The following TRAK1 variants were observed in gnomAD, a reference collection of about 807,000 sequenced individuals.
TRAK1 encodes the protein trafficking kinesin-binding protein 1.
Under a neutral mutation model 92.1 loss-of-function variants are expected in TRAK1, and 33 were observed. That is an observed-to-expected ratio of 0.36 (90% CI 0.27 to 0.48). TRAK1 has a LOEUF of 0.48. TRAK1 is among the 20% of genes least tolerant of loss of function. The pLI is 0.99. For missense variants in TRAK1, 1,123 were observed against 1,257.9 expected, an observed-to-expected ratio of 0.89 and a Z score of 1.62; for synonymous variants, 521 against 517.3, an observed-to-expected ratio of 1.01 and a Z score of -0.10.
At chr3:42,149,387 A>C (rs771459074) in intron 2 of TRAK1, 212 of 1,446,894 alleles carry the variant, frequency 1.5e-4, no homozygotes, top group Non-Finnish European at 1.8e-4. Flanking sequence ...TTGGCTCCAG[A>C]CTGTCGTTAA....
At chr3:42,056,848 T>C (rs1703224076) in intron 1 of TRAK1, among the ~76,000 whole-genome samples, 1 of 152,238 alleles carries the variant, frequency 6.6e-6, no homozygotes, top group Admixed American at 6.5e-5. Context: ...TTCTACATCC[T>C]TCTTAATACC....
At chr3:42,052,788 AT>A (rs1703034480) in intron 1 of TRAK1, among the ~76,000 whole-genome samples, 1 of 152,076 alleles carries the variant, frequency 6.6e-6, no homozygotes, top group African/African-American at 2.4e-5. Flanking sequence ...CCCCTCCCCC[AT>A]TATGAAAGAG....
chr3:42,033,593 A>G (rs1333045551), intron 1 of TRAK1, among the ~76,000 whole-genome samples: 1 of 152,008 alleles, frequency 6.6e-6, no homozygotes, highest in Non-Finnish European at 1.5e-5. Context: ...GTCTCAATCA[A>G]TCAATCAATC....
At chr3:42,053,768 C>T (rs1261087882) in intron 1 of TRAK1, among the ~76,000 whole-genome samples, 1 of 152,094 alleles carries the variant, frequency 6.6e-6, no homozygotes, top group African/African-American at 2.4e-5. Context: ...CCCTCCCTCA[C>T]CAAGGGAAAA....
At chr3:42,111,726 G>A (rs886900201) in intron 1 of TRAK1, among the ~76,000 whole-genome samples, 3 of 152,036 alleles carry the variant, frequency 2.0e-5, no homozygotes, top group African/African-American at 4.8e-5. Context: ...AATTCAAAAT[G>A]CATCTATTTT....
intron 1 of TRAK1, among the ~76,000 whole-genome samples, chr3:42,028,385 G>A (rs1461021272): frequency 6.6e-6 from 1 of 152,226 alleles, no homozygotes; most frequent in African/African-American, 2.4e-5. Context: ...TGATTGCTAA[G>A]TGTGAGCTGT....
intron 1 of TRAK1, among the ~76,000 whole-genome samples, chr3:42,058,991 AAAAT>A (rs1390960155): frequency 6.6e-6 from 1 of 152,244 alleles, no homozygotes; most frequent in African/African-American, 2.4e-5. Flanking sequence ...TACTGAATTT[AAAAT>A]AAATCCAGGT....
rs117728282 is a variant in TRAK1 at position 42,037,467 on chromosome 3, C to G, written c.-519+23350C>G. On this transcript the variant is annotated intron_variant, in intron 1 of 16. Coordinates refer to the TRAK1 transcript ENST00000487159. ...TGGCAAGTGTTGAGTCAATGGCAGGCAGGGTACTGGGGATGGTGAGCAGGC... is the reference window on the plus strand; with the variant it reads ...TGGCAAGTGTTGAGTCAATGGCAGGGAGGGTACTGGGGATGGTGAGCAGGC... 6.6e-5 allele frequency among the ~76,000 whole-genome samples: 10 copies of G among 152,292 alleles called. 1 individual carries two copies. Among genetic ancestry groups the G allele is most frequent in the East Asian group, 5.8e-4 (3 of 5,182 alleles).
intron 2 of TRAK1, among the ~76,000 whole-genome samples, chr3:42,168,858 C>CT (rs1189037043): frequency 6.6e-6 from 1 of 152,198 alleles, no homozygotes; most frequent in Non-Finnish European, 1.5e-5. Context: ...GAGTCTCACT[C>CT]TGTCACCCAG....
chr3:42,074,904 G>A (rs986605035), intron 1 of TRAK1, among the ~76,000 whole-genome samples: 8 of 151,978 alleles, frequency 5.3e-5, no homozygotes, highest in Non-Finnish European at 8.8e-5. Context: ...CCTTCTTTGC[G>A]TCCATGTGTA....
At chr3:42,136,265 C>T (rs1438215175) in intron 2 of TRAK1, among the ~76,000 whole-genome samples, 1 of 152,082 alleles carries the variant, frequency 6.6e-6, no homozygotes, top group East Asian at 1.9e-4. Context: ...AATTGTGGCA[C>T]CTACCCTGTT....
chr3:42,112,416 A>G (rs192984231), intron 1 of TRAK1, among the ~76,000 whole-genome samples: 177 of 149,496 alleles, frequency 1.2e-3, no homozygotes, highest in Non-Finnish European at 2.0e-3. Context: ...CGACAGAGCG[A>G]GACTCCATCT....
chr3:42,201,143 A>T (rs987270224), intron 12 of TRAK1, 89 bp downstream of exon 12: 4 of 1,390,756 alleles, frequency 2.9e-6, no homozygotes, highest in Non-Finnish European at 1.0e-6. Flanking sequence ...ATTAAGAGGG[A>T]GGTAGATGAG....
intron 1 of TRAK1, among the ~76,000 whole-genome samples, chr3:42,017,779 AGGGTGGAATG>A (rs948224020): frequency 2.0e-4 from 30 of 152,218 alleles, no homozygotes; most frequent in Admixed American, 3.9e-4. Context: ...GAGGTGAAAC[AGGGTGGAATG>A]GGGTGGGAGG....
chr3:42,147,769 G>A (rs1018879519), intron 2 of TRAK1, among the ~76,000 whole-genome samples: 3 of 152,208 alleles, frequency 2.0e-5, no homozygotes, highest in Admixed American at 2.0e-4. Context: ...AGGTGTGCAA[G>A]CAAGGCCCAA....
intron 1 of TRAK1, among the ~76,000 whole-genome samples, chr3:42,114,757 G>A (rs1214253097): frequency 6.6e-6 from 1 of 151,714 alleles, no homozygotes; most frequent in Non-Finnish European, 1.5e-5. Flanking sequence ...CTGTTGCCCA[G>A]GCTGGAGTGC....
intron 2 of TRAK1, chr3:42,160,577 T>C: frequency 2.3e-6 from 3 of 1,320,500 alleles, no homozygotes; most frequent in Non-Finnish European, 3.1e-6. Context: ...TTGTTTTTTT[T>C]TAAGTTGAGG....
intron 2 of TRAK1, among the ~76,000 whole-genome samples, chr3:42,136,313 A>G (rs1697947672): frequency 6.6e-6 from 1 of 152,162 alleles, no homozygotes; most frequent in South Asian, 2.1e-4. Flanking sequence ...ATGAACACGA[A>G]TGATCTTTAA....
At chr3:42,060,024 A>G (rs987617172) in intron 1 of TRAK1, among the ~76,000 whole-genome samples, 1 of 152,220 alleles carries the variant, frequency 6.6e-6, no homozygotes, top group African/African-American at 2.4e-5. Context: ...TGCATAAGAA[A>G]TGTCTTTTCT....
Sources: allele counts gnomAD v4.1 joint callset (sites outside exome capture counted in the v4.1 genomes callset), GRCh38; gene constraint gnomAD v4.1.1; transcripts MANE v1.5; gene names NCBI Gene and HGNC (gene_info 2026-07-23, HGNC 2026-07-21).